Variants in SOX5 observed in about 807,000 individuals in gnomAD.
The protein encoded by SOX5 is transcription factor SOX-5.
SOX5 carries 9 observed loss-of-function variants against 92.0 expected under a neutral mutation model. The ratio of observed to expected loss-of-function variants is 0.10; its 90% CI spans 0.06 to 0.17. The LOEUF (loss-of-function observed/expected upper bound fraction) is 0.17. SOX5 is among the 10% of genes least tolerant of loss of function. The pLI, the probability that SOX5 is intolerant of heterozygous loss-of-function variation, is 1.00. For synonymous variants in SOX5, 344 were observed against 336.3 expected, an observed-to-expected ratio of 1.02 and a Z score of -0.25; for missense variants, 642 against 944.5, an observed-to-expected ratio of 0.68 and a Z score of 4.20.
intron 1 of SOX5, among the ~76,000 whole-genome samples, chr12:24,462,067 A>C (rs912613787): frequency 2.0e-5 from 3 of 152,238 alleles, no homozygotes; most frequent in Non-Finnish European, 2.9e-5. Context: ...CACTAACAAC[A>C]GGGATGCATT....
intron 2 of SOX5, among the ~76,000 whole-genome samples, chr12:24,311,688 A>G (rs947579091): frequency 6.6e-6 from 1 of 152,210 alleles, no homozygotes; most frequent in African/African-American, 2.4e-5. Context: ...GAAGATCAAC[A>G]TTCATGTTTA....
At chr12:24,129,355 T>C (rs1565493345) in intron 4 of SOX5, among the ~76,000 whole-genome samples, 1 of 152,170 alleles carries the variant, frequency 6.6e-6, no homozygotes. Flanking sequence ...AAAGTAATGC[T>C]ACGGACTCTA....
At chr12:23,534,898 C>T (rs984849661) in intron 14 of SOX5, among the ~76,000 whole-genome samples, 12 of 151,936 alleles carry the variant, frequency 7.9e-5, no homozygotes, top group African/African-American at 1.4e-4. Flanking sequence ...TTAGTACAGA[C>T]GGGGTTTCAC....
chr12:24,209,950 G>A (rs1288106356), intron 4 of SOX5, among the ~76,000 whole-genome samples: 5 of 144,420 alleles, frequency 3.5e-5, no homozygotes, highest in South Asian at 2.3e-4. Context: ...CCCGGGAGGC[G>A]GAGCTTGCAG....
chr12:23,927,300 G>T (rs1259893647), intron 1 of SOX5, among the ~76,000 whole-genome samples: 3 of 152,000 alleles, frequency 2.0e-5, no homozygotes, highest in African/African-American at 7.2e-5. Context: ...TCCACTGGAG[G>T]TATATCACTT....
intron 8 of SOX5, chr12:23,632,176 G>A (rs1034868958): frequency 1.3e-5 from 2 of 152,066 alleles, no homozygotes; most frequent in African/African-American, 4.8e-5. Context: ...AATCATATGT[G>A]TGCTTCTGTC....
intron 4 of SOX5, among the ~76,000 whole-genome samples, chr12:24,139,980 T>A (rs1950431737): frequency 6.6e-6 from 1 of 152,202 alleles, no homozygotes; most frequent in Non-Finnish European, 1.5e-5. Context: ...ATTACTGTGG[T>A]GGTACAGATT....
chr12:24,127,406 G>GATAATAATA lies in SOX5; in HGVS notation c.-2+85928_-2+85936dup, dbSNP rs35206737. Among the ~76,000 whole-genome samples, 829 of 147,182 alleles carry GATAATAATA rather than the reference G, an allele frequency of 5.6e-3. 4 individuals are homozygous for GATAATAATA. The highest frequency in any genetic ancestry group is 0.018 in the East Asian group (89 of 4,986). ...ACCCTATCTCAATAATAATAATAAT[G>GATAATAATA]ATAATAATAATAATAATAATAATAC... On this transcript the variant is annotated intron_variant, in intron 4 of 4. Coordinates refer to the SOX5 transcript ENST00000446891.
intron 4 of SOX5, among the ~76,000 whole-genome samples, chr12:24,115,262 A>G (rs1198737870): frequency 1.3e-5 from 2 of 152,198 alleles, no homozygotes; most frequent in African/African-American, 2.4e-5. Flanking sequence ...GAAACAAAAT[A>G]CCGATTAGAG....
intron 6 of SOX5, among the ~76,000 whole-genome samples, chr12:23,672,002 C>G (rs1163341655): frequency 1.3e-5 from 2 of 151,526 alleles, no homozygotes; most frequent in Non-Finnish European, 2.9e-5. Context: ...GGCTTCAAAA[C>G]AGGCCTCAAA....
At chr12:23,777,462 A>G (rs576417132) in intron 3 of SOX5, among the ~76,000 whole-genome samples, 67 of 152,100 alleles carry the variant, frequency 4.4e-4, no homozygotes, top group Non-Finnish European at 7.6e-4. Context: ...CTGAGCTCAC[A>G]TTTTTCCAAT....
intron 2 of SOX5, among the ~76,000 whole-genome samples, chr12:23,871,547 C>G (rs983764336): frequency 6.6e-6 from 1 of 152,094 alleles, no homozygotes; most frequent in Non-Finnish European, 1.5e-5. Context: ...AACTTTGTAA[C>G]ACTTTTTCAA....
chr12:24,551,744 G>A (rs1953198850), intron 1 of SOX5, among the ~76,000 whole-genome samples: 1 of 152,136 alleles, frequency 6.6e-6, no homozygotes, highest in African/African-American at 2.4e-5. Context: ...TTTCCTGTAA[G>A]GACCATATTA....
At chr12:24,182,731 T>G (rs1955630239) in intron 4 of SOX5, among the ~76,000 whole-genome samples, 1 of 152,190 alleles carries the variant, frequency 6.6e-6, no homozygotes. Flanking sequence ...GCTAATTCTT[T>G]GAGACAGAAT....
At chr12:24,526,742 C>T (rs1440801924) in intron 1 of SOX5, among the ~76,000 whole-genome samples, 4 of 152,178 alleles carry the variant, frequency 2.6e-5, no homozygotes, top group African/African-American at 9.7e-5. Flanking sequence ...CCCTGACCAC[C>T]CCAACCAAAG....
intron 2 of SOX5, among the ~76,000 whole-genome samples, chr12:24,280,706 G>T (rs1945065261): frequency 6.6e-6 from 1 of 152,042 alleles, no homozygotes; most frequent in African/African-American, 2.4e-5. Flanking sequence ...GGTGACTACT[G>T]CTTGGTGTTT....
At chr12:24,433,880 G>A (rs138557622) in intron 1 of SOX5, among the ~76,000 whole-genome samples, 1 of 152,168 alleles carries the variant, frequency 6.6e-6, no homozygotes, top group Non-Finnish European at 1.5e-5. Flanking sequence ...CCATGAGAAT[G>A]AATGGGATTG....
intron 11 of SOX5, among the ~76,000 whole-genome samples, chr12:23,551,940 A>G (rs868146296): frequency 3.3e-5 from 5 of 151,928 alleles, no homozygotes; most frequent in African/African-American, 9.7e-5. Flanking sequence ...TCATCAGGCA[A>G]TCTGATCAAG....
intron 3 of SOX5, among the ~76,000 whole-genome samples, chr12:24,229,416 GA>G (rs5797070): frequency 0.47 from 71,009 of 150,304 alleles, 17,029 homozygotes; most frequent in East Asian, 0.72. Flanking sequence ...AGAAGCATAA[GA>G]AAAAAAAAAT....
Sources: gnomAD v4.1 joint callset for allele counts (sites outside exome capture counted in the v4.1 genomes callset) on GRCh38, gnomAD v4.1.1 for gene constraint, MANE v1.5 for transcripts, NCBI Gene and HGNC (gene_info 2026-07-23, HGNC 2026-07-21) for gene names.